IGF2BP1: variants seen among roughly 807,000 people sequenced by gnomAD.
The protein encoded by IGF2BP1 is insulin-like growth factor 2 mRNA-binding protein 1.
Under a neutral mutation model 74.9 loss-of-function variants are expected in IGF2BP1, and 11 were observed. The ratio of observed to expected loss-of-function variants is 0.15; its 90% CI spans 0.09 to 0.24. The LOEUF (loss-of-function observed/expected upper bound fraction) is 0.24. Among genes scored for constraint, IGF2BP1 ranks in the 10% least tolerant of loss-of-function variants. The probability of loss-of-function intolerance (pLI) is 1.00; values close to 1 mark genes in which losing one functional copy is unlikely to be tolerated. For synonymous variants in IGF2BP1, 287 were observed against 281.8 expected (o/e 1.02, Z -0.18); for missense variants, 440 against 757.4 (o/e 0.58, Z 4.92).
chr17:49,037,144 T>C, intron 5 of IGF2BP1: 1 of 435,670 alleles, frequency 2.3e-6, no homozygotes, highest in Admixed American at 3.1e-5. Context: ...AAGCAGCATC[T>C]CAGACATGTT....
intron 2 of IGF2BP1, among the ~76,000 whole-genome samples, chr17:49,021,807 T>C (rs867248361): frequency 3.9e-5 from 6 of 152,178 alleles, no homozygotes; most frequent in African/African-American, 7.2e-5. Context: ...ATACTGCCCA[T>C]AGGGCAAAGG....
chr17:49,027,983 G>A (rs528911765), intron 4 of IGF2BP1, among the ~76,000 whole-genome samples: 3 of 151,972 alleles, frequency 2.0e-5, no homozygotes, highest in African/African-American at 7.2e-5. Context: ...GACCAGCCTG[G>A]GAAACAGTGA....
chr17:49,043,614 T>C (rs1457710305), intron 10 of IGF2BP1, 64 bp downstream of exon 10: 18 of 1,572,082 alleles, frequency 1.1e-5, no homozygotes, highest in Non-Finnish European at 1.6e-5. Flanking sequence ...TAAGGGGGAC[T>C]CAGCATGCTC....
chr17:49,016,283 G>T (rs2041700329), intron 2 of IGF2BP1, among the ~76,000 whole-genome samples: 1 of 152,234 alleles, frequency 6.6e-6, no homozygotes, highest in Admixed American at 6.5e-5. Context: ...TGAAATGAGG[G>T]TGACTGTTCA....
At chr17:48,999,036 CT>C in intron 1 of IGF2BP1, 72 bp from the exon 2 acceptor site, 2 of 904,032 alleles carry the variant, frequency 2.2e-6, no homozygotes, top group Non-Finnish European at 3.6e-6. Context: ...ATCCTAGTGT[CT>C]TTTCCCCTTC....
intron 2 of IGF2BP1, among the ~76,000 whole-genome samples, chr17:49,010,698 A>G (rs1332345765): frequency 6.6e-6 from 1 of 152,098 alleles, no homozygotes; most frequent in African/African-American, 2.4e-5. Flanking sequence ...CAGGTGGGGA[A>G]GTGAGACATA....
At chr17:49,015,273 G>A (rs765415609) in intron 2 of IGF2BP1, among the ~76,000 whole-genome samples, 1 of 152,138 alleles carries the variant, frequency 6.6e-6, no homozygotes. Flanking sequence ...TTGCCCGGCC[G>A]TGACCGTATG....
chr17:49,005,536 A>G (rs923591157), intron 2 of IGF2BP1, among the ~76,000 whole-genome samples: 4 of 152,150 alleles, frequency 2.6e-5, no homozygotes, highest in African/African-American at 9.7e-5. Flanking sequence ...ATGGTGTCTG[A>G]TATGGGATGG....
chr17:49,045,856 G>A (rs187208953), intron 12 of IGF2BP1, 34 bp from the exon 13 acceptor site: 80 of 1,606,888 alleles, frequency 5.0e-5, no homozygotes, highest in Non-Finnish European at 6.8e-5. Flanking sequence ...ACAGATATAT[G>A]AACCACTGAT....
At chr17:48,999,257 G>C in intron 2 of IGF2BP1, 88 bp downstream of exon 2, 1 of 809,734 alleles carries the variant, frequency 1.2e-6, no homozygotes, top group Non-Finnish European at 2.1e-6. Flanking sequence ...GTCTCCAGTG[G>C]AAGAAACCCA....
chr17:49,049,315 G>T lies in IGF2BP1; in HGVS notation c.1642-37G>T, dbSNP rs184845133. ...TTCCGTGGAAGGCTGTCTCCTTGGA[G>T]GTCTCACACCCACTCTCTTGCCTGT... On this transcript the variant is annotated intron_variant, in intron 14 of 14. Coordinates refer to ENST00000290341, the MANE Select transcript of IGF2BP1 (RefSeq NM_006546.4). The T allele has an allele frequency of 4.9e-4, 776 of 1,588,246 alleles. 2 individuals are homozygous for T. The African/African-American group carries it at 9.2e-3, about 19-fold the overall frequency.
At chr17:49,010,313 CTTTTTT>C (rs397857828) in intron 2 of IGF2BP1, among the ~76,000 whole-genome samples, 1 of 105,614 alleles carries the variant, frequency 9.5e-6, no homozygotes, top group Non-Finnish European at 1.9e-5. Context: ...TGGTGGTCAT[CTTTTTT>C]TTTTTTTTTT....
chr17:48,998,376 C>T (rs1336120428), intron 1 of IGF2BP1, among the ~76,000 whole-genome samples: 2 of 152,264 alleles, frequency 1.3e-5, no homozygotes, highest in African/African-American at 2.4e-5. Flanking sequence ...ACCCGGACCG[C>T]CTGCGATCTG....
chr17:49,031,025 C>T (rs543076142), intron 4 of IGF2BP1, among the ~76,000 whole-genome samples: 1 of 152,248 alleles, frequency 6.6e-6, no homozygotes, highest in South Asian at 2.1e-4. Context: ...CCTTGTTGTA[C>T]AACTGCTGAT....
chr17:49,026,328 C>T, intron 3 of IGF2BP1, 138 bp from the exon 4 acceptor site: 4 of 719,936 alleles, frequency 5.6e-6, no homozygotes, highest in South Asian at 5.1e-5. Context: ...AAAGGTCACA[C>T]TGGACAGGTA....
intron 2 of IGF2BP1, chr17:49,015,045 C>T (rs895447860): frequency 1.6e-6 from 1 of 607,486 alleles, no homozygotes; most frequent in Non-Finnish European, 2.1e-6. Flanking sequence ...TGTCCTGTCG[C>T]CCAGGCTGGA....
chr17:49,026,448 C>T lies in IGF2BP1; in HGVS notation c.286-18C>T, dbSNP rs746176987. On this transcript the variant is annotated intron_variant, in intron 3 of 14. Coordinates refer to ENST00000290341, the MANE Select transcript of IGF2BP1 (RefSeq NM_006546.4). ...TGGGACTCAGAGTTAAGTGTACTTC[C>T]CTTCTCCATTCTCCTAGGTACTGGA... 1.2e-5 allele frequency: 19 copies of T among 1,612,786 alleles called. No homozygotes were observed. The highest frequency in any genetic ancestry group is 1.4e-5 in the Non-Finnish European group (16 of 1,178,950).
intron 2 of IGF2BP1, among the ~76,000 whole-genome samples, chr17:49,015,922 G>T (rs2041695343): frequency 6.6e-6 from 1 of 152,196 alleles, no homozygotes; most frequent in Non-Finnish European, 1.5e-5. Context: ...CCCAGAGCAA[G>T]ATGACATTTT....
At chr17:49,040,714 A>G (rs1365997390) in intron 7 of IGF2BP1, among the ~76,000 whole-genome samples, 2 of 152,268 alleles carry the variant, frequency 1.3e-5, no homozygotes, top group Middle Eastern at 3.2e-3. Context: ...GTATCAGCAC[A>G]TATATTAGTA....
Sources: allele counts gnomAD v4.1 joint callset (sites outside exome capture counted in the v4.1 genomes callset), GRCh38; gene constraint gnomAD v4.1.1; transcripts MANE v1.5; gene names NCBI Gene and HGNC (gene_info 2026-07-23, HGNC 2026-07-21).